The following UBTD2 variants were observed in gnomAD, a reference collection of about 807,000 sequenced individuals.
UBTD2 encodes the protein ubiquitin domain-containing protein 2.
UBTD2 carries 9 observed loss-of-function variants against 19.8 expected under a neutral mutation model. The ratio of observed to expected loss-of-function variants is 0.46; its 90% CI spans 0.27 to 0.79. The LOEUF (loss-of-function observed/expected upper bound fraction) is 0.79, where lower values mean the gene tolerates loss of function less well. UBTD2 is among the 30% of genes least tolerant of loss of function. The probability of loss-of-function intolerance (pLI) is 0.14; values close to 1 mark genes in which losing one functional copy is unlikely to be tolerated. For synonymous variants in UBTD2, 98 were observed against 103.9 expected (o/e 0.94, Z 0.35); for missense variants, 250 against 300.4 (o/e 0.83, Z 1.24).
chr5:172,270,350 ATTTTTTTTTTT>A (rs758440849), intron 1 of UBTD2, among the ~76,000 whole-genome samples: 3 of 98,762 alleles, frequency 3.0e-5, no homozygotes, highest in Non-Finnish European at 5.7e-5. Flanking sequence ...GAATTTTAGA[ATTTTTTTTTTT>A]TTTTTTTTTT....
intron 1 of UBTD2, among the ~76,000 whole-genome samples, chr5:172,280,382 C>T (rs1755685822): frequency 6.6e-6 from 1 of 151,788 alleles, no homozygotes; most frequent in Non-Finnish European, 1.5e-5. Flanking sequence ...TGGTGGTGGG[C>T]ACCCGTAATC....
chr5:172,253,339 G>A (rs976077804), intron 1 of UBTD2, among the ~76,000 whole-genome samples: 1 of 152,114 alleles, frequency 6.6e-6, no homozygotes, highest in African/African-American at 2.4e-5. Flanking sequence ...TGAGAAACTT[G>A]CCCATTATTA....
chr5:172,250,745 C>T (rs1475971312), intron 1 of UBTD2, among the ~76,000 whole-genome samples: 1 of 151,718 alleles, frequency 6.6e-6, no homozygotes, highest in African/African-American at 2.4e-5. Flanking sequence ...CCAGCCTGGA[C>T]AACATGGTAA....
rs181205690 is a variant in UBTD2 at position 172,232,258 on chromosome 5, G to A, written c.307+1864C>T. ...ACTGCACTCCAGCCTGGGCAACAGA[G>A]TGAGACCCTGTCTCAAAAAAATAAA... is the stretch of plus-strand genomic sequence containing the variant. On this transcript the variant is annotated intron_variant, in intron 2 of 2. Transcript: ENST00000393792. Among the ~76,000 whole-genome samples, 745 of 150,978 alleles carry A rather than the reference G, an allele frequency of 4.9e-3. 6 individuals are homozygous for A. Among genetic ancestry groups the A allele is most frequent in the African/African-American group, 0.017 (693 of 41,012 alleles).
rs543476380 is a variant in UBTD2 at position 172,259,943 on chromosome 5, C to T, written c.70+23653G>A. ...TGGCAAGCACCTGTAATCCCAGCTA[C>T]TCGGGAGGCTGAGGCAGGAGAATCG... On this transcript the variant is annotated intron_variant, in intron 1 of 2. Transcript: ENST00000393792. Among the ~76,000 whole-genome samples, 182 of 152,178 alleles carry T rather than the reference C, an allele frequency of 1.2e-3. 1 individual carries two copies. Among genetic ancestry groups the T allele is most frequent in the African/African-American group, 4.2e-3 (174 of 41,530 alleles).
At chr5:172,212,333 G>GA (rs1771468249) in intron 2 of UBTD2, 106 bp from the exon 3 acceptor site, 4 of 1,211,336 alleles carry the variant, frequency 3.3e-6, no homozygotes, top group Non-Finnish European at 3.4e-6. Flanking sequence ...GCACTGTAGA[G>GA]AAAAAACATC....
intron 2 of UBTD2, among the ~76,000 whole-genome samples, chr5:172,227,837 T>G (rs1426072079): frequency 6.7e-6 from 1 of 150,118 alleles, no homozygotes; most frequent in Non-Finnish European, 1.5e-5. Context: ...CCCGCCACCA[T>G]GCCCGGCTAA....
chr5:172,270,940 T>TATAATA (rs2113122157), intron 1 of UBTD2, among the ~76,000 whole-genome samples: 1 of 152,270 alleles, frequency 6.6e-6, no homozygotes, highest in East Asian at 1.9e-4. Flanking sequence ...GTCTCACAAC[T>TATAATA]TGGTCTACTT....
At chr5:172,239,819 G>A (rs148030225) in intron 1 of UBTD2, among the ~76,000 whole-genome samples, 48,868 of 151,484 alleles carry the variant, frequency 0.32, 7,964 homozygotes, top group South Asian at 0.42. Flanking sequence ...CAGGAGAATC[G>A]CTTGAACCTG....
At chr5:172,238,275 T>C (rs1485540233) in intron 1 of UBTD2, among the ~76,000 whole-genome samples, 2 of 152,226 alleles carry the variant, frequency 1.3e-5, no homozygotes, top group Non-Finnish European at 2.9e-5. Flanking sequence ...GGTACCATGC[T>C]CTAACAGTGA....
intron 1 of UBTD2, among the ~76,000 whole-genome samples, chr5:172,252,041 T>C (rs181108073): frequency 2.0e-5 from 3 of 152,298 alleles, no homozygotes; most frequent in Admixed American, 2.0e-4. Flanking sequence ...AACACATAAA[T>C]GTACACTGAA....
chr5:172,244,416 C>A (rs962255430), intron 1 of UBTD2, among the ~76,000 whole-genome samples: 1 of 151,380 alleles, frequency 6.6e-6, no homozygotes, highest in Admixed American at 6.6e-5. Context: ...CCTGCCTCAG[C>A]CTCCGGGGTA....
intron 1 of UBTD2, among the ~76,000 whole-genome samples, chr5:172,251,270 G>A (rs1163230971): frequency 7.1e-6 from 1 of 139,864 alleles, no homozygotes; most frequent in Admixed American, 7.9e-5. Flanking sequence ...AGTGAGCCAA[G>A]ATCACACCAC....
intron 1 of UBTD2, among the ~76,000 whole-genome samples, chr5:172,248,475 C>A (rs1754927592): frequency 1.3e-5 from 2 of 152,056 alleles, no homozygotes; most frequent in South Asian, 4.1e-4. Context: ...GTAGTCCCAG[C>A]TACTCGGGAG....
chr5:172,256,838 T>C (rs539301843), intron 1 of UBTD2, among the ~76,000 whole-genome samples: 28 of 152,234 alleles, frequency 1.8e-4, no homozygotes, highest in African/African-American at 6.5e-4. Flanking sequence ...GGAGAATCGC[T>C]TGAACCCCGC....
intron 1 of UBTD2, among the ~76,000 whole-genome samples, chr5:172,277,851 CAA>C (rs398065417): frequency 1.5e-4 from 12 of 78,372 alleles, no homozygotes; most frequent in Non-Finnish European, 1.7e-4. Flanking sequence ...TCTTACCACT[CAA>C]AAAAAAAAAA....
chr5:172,234,318 T>C lies in UBTD2; in HGVS notation c.111A>G (p.Pro37=), dbSNP rs767293227. The C allele has an allele frequency of 5.0e-6, 8 of 1,614,102 alleles. No homozygotes were observed. Among genetic ancestry groups the C allele is most frequent in the Non-Finnish European group, 5.1e-6 (6 of 1,180,044 alleles). Residue 37 remains proline (P), a synonymous_variant, in exon 2 of 3, where the codon CCA becomes CCG. Coordinates refer to ENST00000393792, the MANE Select transcript of UBTD2 (RefSeq NM_152277.3). ...GRNQPLKKEK[P]KWKSDYPMTD... ...TCATAGGATAATCGCTTTTCCATTT[T>C]GGTTTCTCCTTTTTCAAAGGCTGGT... is the stretch of plus-strand genomic sequence containing the variant.
intron 1 of UBTD2, among the ~76,000 whole-genome samples, chr5:172,258,485 T>C (rs538164485): frequency 1.3e-5 from 2 of 152,328 alleles, no homozygotes; most frequent in South Asian, 4.1e-4. Context: ...CCATATGAAT[T>C]TTAGAATAGT....
intron 1 of UBTD2, chr5:172,254,735 G>C (rs995665580): frequency 6.8e-6 from 2 of 294,650 alleles, no homozygotes; most frequent in Admixed American, 9.3e-5. Flanking sequence ...TGCTTGTGGG[G>C]GGGAACACTG....
Sources: allele counts gnomAD v4.1 joint callset (sites outside exome capture counted in the v4.1 genomes callset), GRCh38; gene constraint gnomAD v4.1.1; transcripts MANE v1.5; gene names NCBI Gene and HGNC (gene_info 2026-07-23, HGNC 2026-07-21).